ITGA2: variants seen among roughly 807,000 people sequenced by gnomAD.
ITGA2 encodes the protein integrin subunit alpha 2.
ITGA2 carries 101 observed loss-of-function variants against 146.3 expected under a neutral mutation model. The ratio of observed to expected loss-of-function variants is 0.69; its 90% CI spans 0.59 to 0.81. The LOEUF is 0.81. Ranked by LOEUF, ITGA2 falls within the 40% of genes least tolerant of loss-of-function variation. ITGA2 has a pLI of 0.00. For missense variants in ITGA2, 1,281 were observed against 1,402.7 expected (o/e 0.91, Z 1.39); for synonymous variants, 477 against 487.1 (o/e 0.98, Z 0.27).
intron 1 of ITGA2, among the ~76,000 whole-genome samples, chr5:52,996,576 A>G (rs547395148): frequency 2.0e-5 from 3 of 152,300 alleles, no homozygotes; most frequent in African/African-American, 7.2e-5. Flanking sequence ...AGGTATGGAA[A>G]AAGGTACCTC....
intron 28 of ITGA2, among the ~76,000 whole-genome samples, chr5:53,088,440 C>T (rs1020938247): frequency 5.3e-5 from 8 of 152,024 alleles, no homozygotes; most frequent in Admixed American, 1.3e-4. Flanking sequence ...AATCCCAGCA[C>T]TTTGGGAGGC....
chr5:53,077,405 A>G (rs539298362), intron 23 of ITGA2, among the ~76,000 whole-genome samples: 1 of 152,120 alleles, frequency 6.6e-6, no homozygotes, highest in South Asian at 2.1e-4. Context: ...GGGTAGAAAT[A>G]GCGATAATAG....
At chr5:52,993,460 C>G (rs1741072679) in intron 1 of ITGA2, among the ~76,000 whole-genome samples, 1 of 152,150 alleles carries the variant, frequency 6.6e-6, no homozygotes, top group South Asian at 2.1e-4. Flanking sequence ...TCCCCACTTT[C>G]CTAAGATTAA....
intron 1 of ITGA2, among the ~76,000 whole-genome samples, chr5:53,005,696 A>T (rs904608548): frequency 3.3e-5 from 5 of 152,168 alleles, no homozygotes; most frequent in African/African-American, 9.7e-5. Flanking sequence ...AAACAAAAAA[A>T]ATCTACTAAG....
At chr5:53,014,188 G>A (rs1742292521) in intron 1 of ITGA2, among the ~76,000 whole-genome samples, 1 of 152,074 alleles carries the variant, frequency 6.6e-6, no homozygotes, top group Non-Finnish European at 1.5e-5. Context: ...GGTTCTCTAA[G>A]GGAATGCTTC....
chr5:53,087,305 C>A (rs1360628814), intron 28 of ITGA2, among the ~76,000 whole-genome samples: 2 of 152,124 alleles, frequency 1.3e-5, no homozygotes, highest in African/African-American at 4.8e-5. Context: ...GTGAGAAGTA[C>A]AACAAAAGGG....
Position 53,056,082 on chromosome 5 carries a change from T to C in ITGA2, c.1029T>C (p.Asn343=), listed in dbSNP as rs1196905390. 1 of 1,611,950 alleles carries C rather than the reference T, an allele frequency of 6.2e-7. No homozygotes were observed. Among genetic ancestry groups the C allele is most frequent in the East Asian group, 2.2e-5 (1 of 44,722 alleles). ...ASIPTERYFF[N]VSDEAALLEK... is the part of the protein sequence containing the mutation. ...TTCCAACAGAAAGATACTTTTTCAA[T>C]GTGTCTGATGAAGCAGCTCTACTAG... is the stretch of plus-strand genomic sequence containing the variant. Residue 343 remains asparagine (N), a synonymous_variant, in exon 9 of 30, where the codon AAT becomes AAC. Coordinates refer to ENST00000296585, the MANE Select transcript of ITGA2 (RefSeq NM_002203.4).
intron 2 of ITGA2, among the ~76,000 whole-genome samples, chr5:53,028,080 C>A (rs1036833548): frequency 9.6e-5 from 14 of 146,344 alleles, no homozygotes; most frequent in African/African-American, 3.3e-4. Flanking sequence ...GATCCTGTCT[C>A]AAAAAAAAAA....
At chr5:53,058,002 A>G (rs200788128) in intron 9 of ITGA2, 23 bp from the exon 10 acceptor site, 96 of 1,584,312 alleles carry the variant, frequency 6.1e-5, no homozygotes, top group East Asian at 4.7e-4. Flanking sequence ...CAGTAATACA[A>G]TTTTTAAAAT....
At chr5:53,069,196 G>A (rs1166234464) in intron 16 of ITGA2, among the ~76,000 whole-genome samples, 2 of 151,856 alleles carry the variant, frequency 1.3e-5, no homozygotes, top group Non-Finnish European at 2.9e-5. Context: ...ATGGCACCAG[G>A]TGTTCTCTCT....
chr5:53,004,894 G>GTTTTTTTTTTTT (rs548541753), intron 1 of ITGA2, among the ~76,000 whole-genome samples: 2 of 55,946 alleles, frequency 3.6e-5, no homozygotes, highest in African/African-American at 9.3e-5. Flanking sequence ...TAGTTGCTTT[G>GTTTTTTTTTTTT]TTTTTTTTTT....
chr5:53,087,973 C>A (rs1368410268), intron 28 of ITGA2, among the ~76,000 whole-genome samples: 1 of 152,176 alleles, frequency 6.6e-6, no homozygotes, highest in Non-Finnish European at 1.5e-5. Flanking sequence ...AGCACTGGAG[C>A]CCCACTCTTG....
chr5:53,045,638 C>A (rs1744036899), intron 4 of ITGA2, among the ~76,000 whole-genome samples: 1 of 151,716 alleles, frequency 6.6e-6, no homozygotes, highest in Non-Finnish European at 1.5e-5. Flanking sequence ...ATTTACATAT[C>A]CAAATACACT....
Position 53,060,922 on chromosome 5 carries a change from C to T in ITGA2, c.1334C>T (p.Ser445Phe). The T allele has an allele frequency of 6.2e-7, 1 of 1,612,420 alleles. No individual in the cohort carries two copies. The highest frequency in any genetic ancestry group is 8.5e-7 in the Non-Finnish European group (1 of 1,178,902). ...TTAGGTTACTCTGTGGCTGCAATTT[C>T]TACTGGAGAAAGCACTCACTTTGTT... ...SYLGYSVAAISTGESTHFVAG... is the reference protein window; with the variant it reads ...SYLGYSVAAIFTGESTHFVAG... The change falls in exon 12 of 30, where the codon TCT (serine) becomes TTT (phenylalanine). Residue 445 changes from serine to phenylalanine, a missense_variant. Coordinates refer to ENST00000296585, the MANE Select transcript of ITGA2 (RefSeq NM_002203.4).
Position 53,042,369 on chromosome 5 carries a change from C to T in ITGA2, c.295+148C>T. On this transcript the variant is annotated intron_variant, in intron 3 of 29. Coordinates refer to ENST00000296585, the MANE Select transcript of ITGA2 (RefSeq NM_002203.4). ...TAGTAATATGGGGCACAATCATATC[C>T]AAATTTCCAAAACAGTTTGGAGACT... The T allele has an allele frequency of 1.1e-5, 7 of 652,378 alleles. No homozygotes were observed. In the Admixed American group the frequency reaches 1.3e-4, roughly 12 times the overall value. The allele number at this position is 652,378 out of a possible 1,614,324, so 40.4% of individuals were successfully genotyped here. A position where few individuals can be genotyped will look rare whatever the true frequency, so the allele number is the denominator to read the frequency against.
At position 53,090,771 on chromosome 5, in the gene ITGA2, G is replaced by A. The variant is rs1740375733; in HGVS notation, c.*172G>A. On this transcript the variant is annotated 3_prime_UTR_variant, in exon 30 of 30. Coordinates refer to ENST00000296585, the MANE Select transcript of ITGA2 (RefSeq NM_002203.4). The stretch of plus-strand genomic sequence containing the variant: ...GTTTGGAATGAAGAAATTGTGGGGG[G>A]TGGGGGAGGTGCGGGGGGCAGGTAG... 3.3e-5 allele frequency: 18 copies of A among 551,250 alleles called. 2 individuals are homozygous for A. The South Asian group carries it at 3.6e-4, about 11-fold the overall frequency. The allele number at this position is 551,250 out of a possible 1,614,324, so 34.1% of individuals were successfully genotyped here.
At chr5:53,021,065 T>A (rs1742660409) in intron 1 of ITGA2, among the ~76,000 whole-genome samples, 1 of 152,160 alleles carries the variant, frequency 6.6e-6, no homozygotes, top group Admixed American at 6.5e-5. Context: ...TTGTACTGTT[T>A]GTTGTGTTAC....
At chr5:53,001,276 G>T (rs1170924889) in intron 1 of ITGA2, among the ~76,000 whole-genome samples, 1 of 152,160 alleles carries the variant, frequency 6.6e-6, no homozygotes. Context: ...GACCAATGAG[G>T]TTTATCTGAG....
At chr5:53,033,817 G>A (rs1014495914) in intron 2 of ITGA2, among the ~76,000 whole-genome samples, 2 of 149,590 alleles carry the variant, frequency 1.3e-5, no homozygotes, top group Admixed American at 6.7e-5. Flanking sequence ...AGGATGGAGT[G>A]CAGTAGGGCA....
Sources: allele counts gnomAD v4.1 joint callset (sites outside exome capture counted in the v4.1 genomes callset), GRCh38; gene constraint gnomAD v4.1.1; transcripts MANE v1.5; gene names NCBI Gene and HGNC (gene_info 2026-07-23, HGNC 2026-07-21).